Variants in MARCHF1 observed in about 807,000 individuals in gnomAD.
The protein encoded by MARCHF1 is membrane associated ring-CH-type finger 1.
Under a neutral mutation model 54.2 loss-of-function variants are expected in MARCHF1, and 40 were observed. That is an observed-to-expected ratio of 0.74 (90% confidence interval 0.57 to 0.96). The LOEUF is 0.96. MARCHF1 is among the 40% of genes least tolerant of loss of function. MARCHF1 has a pLI of 0.00. For synonymous variants in MARCHF1, 236 were observed against 236.3 expected (o/e 1.00, Z 0.01); for missense variants, 586 against 656.5 (o/e 0.89, Z 1.17).
chr4:164,230,351 C>T (rs553873053), intron 1 of MARCHF1, among the ~76,000 whole-genome samples: 19 of 150,270 alleles, frequency 1.3e-4, no homozygotes, highest in Middle Eastern at 6.8e-3. Flanking sequence ...GCCAAGGTGG[C>T]GCCATTGCAC....
At chr4:163,546,422 TTCC>T (rs1440110367) in intron 8 of MARCHF1, among the ~76,000 whole-genome samples, 1 of 152,236 alleles carries the variant, frequency 6.6e-6, no homozygotes, top group Non-Finnish European at 1.5e-5. Context: ...AATTAAAAAC[TTCC>T]TTTTCAGGAT....
At chr4:164,179,235 G>T (rs775472895) in intron 1 of MARCHF1, among the ~76,000 whole-genome samples, 2 of 152,150 alleles carry the variant, frequency 1.3e-5, no homozygotes, top group South Asian at 4.1e-4. Flanking sequence ...CTCTGTAAAG[G>T]AAAGGCTGTG....
chr4:164,334,809 A>G (rs2110818433), intron 1 of MARCHF1, among the ~76,000 whole-genome samples: 1 of 152,342 alleles, frequency 6.6e-6, no homozygotes, highest in African/African-American at 2.4e-5. Flanking sequence ...TATGCCATTA[A>G]GAACATTTGT....
At chr4:163,836,765 T>A (rs913710232) in intron 4 of MARCHF1, among the ~76,000 whole-genome samples, 2 of 123,074 alleles carry the variant, frequency 1.6e-5, no homozygotes, top group African/African-American at 2.9e-5. Context: ...AAGTGCGCCA[T>A]TGGCAGCAAA....
intron 8 of MARCHF1, among the ~76,000 whole-genome samples, chr4:163,581,152 T>TCCACAA (rs567011613): frequency 0.013 from 1,965 of 150,600 alleles, 53 homozygotes; most frequent in African/African-American, 0.045. Flanking sequence ...TATTTGGCGG[T>TCCACAA]AGAGTGGCAC....
chr4:163,667,102 G>GACTGC (rs1292941308), intron 5 of MARCHF1, among the ~76,000 whole-genome samples: 1 of 152,086 alleles, frequency 6.6e-6, no homozygotes, highest in Non-Finnish European at 1.5e-5. Context: ...CCAGCAGTGT[G>GACTGC]ACTGCTTGCA....
At position 163,526,572 on chromosome 4, in the gene MARCHF1, T is replaced by TATTC. The variant is rs1738112786; in HGVS notation, c.*2172_*2175dup. The TATTC allele has an allele frequency of 6.6e-6, 1 of 152,088 alleles. No individual in the cohort carries two copies. The highest frequency in any genetic ancestry group is 1.5e-5 in the Non-Finnish European group (1 of 67,960). 9.4% of individuals were successfully genotyped at this position (152,088 alleles called of 1,614,324 possible). A position where few individuals can be genotyped will look rare whatever the true frequency, so the allele number is the denominator to read the frequency against. Reference sequence around the variant, plus strand: ...ATGGTTAAATCACCCACAGATTTGTTATTCATAAATGTATTTATCTTAAAT... The same window carrying TATTC: ...ATGGTTAAATCACCCACAGATTTGTTATTCATTCATAAATGTATTTATCTTAAAT... On this transcript the variant is annotated 3_prime_UTR_variant, in exon 10 of 10. Transcript: ENST00000514618.
At chr4:163,897,892 T>A (rs1579376231) in intron 3 of MARCHF1, among the ~76,000 whole-genome samples, 1 of 148,756 alleles carries the variant, frequency 6.7e-6, no homozygotes, top group Non-Finnish European at 1.5e-5. Flanking sequence ...CAGTCTCTAC[T>A]AAAAAAAAAC....
chr4:164,346,665 T>C lies in MARCHF1; in HGVS notation c.-323+37205A>G, dbSNP rs1430802411. On this transcript the variant is annotated intron_variant, in intron 1 of 9. Transcript: ENST00000514618. Reference sequence around the variant, plus strand: ...ATATATATATATATATATATATATATATATGTCCATATGCTTTTATAAGCA... The same window carrying C: ...ATATATATATATATATATATATATACATATGTCCATATGCTTTTATAAGCA... Among the ~76,000 whole-genome samples the C allele has an allele frequency of 3.0e-4, 37 of 123,216 alleles. 1 individual carries two copies. The South Asian group carries it at 9.9e-3, about 33-fold the overall frequency. 80.8% of individuals were successfully genotyped at this position (123,216 alleles called of 152,430 possible).
chr4:163,655,985 C>A (rs1329284269), intron 5 of MARCHF1, among the ~76,000 whole-genome samples: 2 of 151,634 alleles, frequency 1.3e-5, no homozygotes, highest in Non-Finnish European at 2.9e-5. Flanking sequence ...CCTGACATCA[C>A]AACTGAAAAA....
At chr4:163,540,349 A>C (rs1307484538) in intron 9 of MARCHF1, among the ~76,000 whole-genome samples, 2 of 152,200 alleles carry the variant, frequency 1.3e-5, no homozygotes, top group Non-Finnish European at 2.9e-5. Flanking sequence ...GGGTATGCAG[A>C]ACTACGAAGT....
intron 3 of MARCHF1, among the ~76,000 whole-genome samples, chr4:163,959,474 C>A (rs1190102813): frequency 2.0e-5 from 3 of 151,786 alleles, no homozygotes; most frequent in Non-Finnish European, 2.9e-5. Flanking sequence ...AGCACATAGA[C>A]CAATGGAACA....
chr4:163,667,638 T>G (rs536596794), intron 5 of MARCHF1, among the ~76,000 whole-genome samples: 5 of 152,188 alleles, frequency 3.3e-5, no homozygotes, highest in Non-Finnish European at 7.4e-5. Context: ...AACTTTTTTT[T>G]TTTTTGAGAT....
chr4:163,816,139 C>A (rs1748525466), intron 4 of MARCHF1, among the ~76,000 whole-genome samples: 1 of 152,118 alleles, frequency 6.6e-6, no homozygotes, highest in Non-Finnish European at 1.5e-5. Context: ...GGAGTTTGAG[C>A]AATAACTGTA....
chr4:164,306,587 T>G (rs1045774810), intron 1 of MARCHF1, among the ~76,000 whole-genome samples: 1 of 152,198 alleles, frequency 6.6e-6, no homozygotes, highest in African/African-American at 2.4e-5. Context: ...CTGAAATTCC[T>G]TGATCTTAGA....
intron 1 of MARCHF1, among the ~76,000 whole-genome samples, chr4:164,369,107 G>A (rs900519912): frequency 2.0e-5 from 3 of 152,036 alleles, no homozygotes; most frequent in South Asian, 4.1e-4. Context: ...GGGCTGCTCC[G>A]GGGATGAGGG....
In MARCHF1 at chr4:164,040,673, A is replaced by G. The variant is rs115871429; in HGVS notation, c.-247-51964T>C. ...CAAAGCTTTAGGTTTTGCAGTAAAT[A>G]TATACATGGCAATGTTTTCCTGTTT... On this transcript the variant is annotated intron_variant, in intron 2 of 9. Transcript: ENST00000514618. 6.0e-3 allele frequency among the ~76,000 whole-genome samples: 915 copies of G among 152,034 alleles called. 10 individuals are homozygous for G. Among genetic ancestry groups the G allele is most frequent in the African/African-American group, 0.021 (877 of 41,532 alleles).
chr4:163,716,240 T>C (rs28673023), intron 4 of MARCHF1, among the ~76,000 whole-genome samples: 13,761 of 82,000 alleles, frequency 0.17, 1,198 homozygotes, highest in African/African-American at 0.26. Flanking sequence ...ACAACAACAA[T>C]ACAAGTATTC....
At chr4:164,184,263 C>A (rs1730908298) in intron 1 of MARCHF1, among the ~76,000 whole-genome samples, 2 of 152,090 alleles carry the variant, frequency 1.3e-5, no homozygotes, top group African/African-American at 4.8e-5. Context: ...TCACTCACCC[C>A]ATTGATTATA....
Sources: allele counts gnomAD v4.1 joint callset (sites outside exome capture counted in the v4.1 genomes callset), GRCh38; gene constraint gnomAD v4.1.1; transcripts MANE v1.5; gene names NCBI Gene and HGNC (gene_info 2026-07-23, HGNC 2026-07-21).